GRID2: variants seen among roughly 807,000 people sequenced by gnomAD.
GRID2 encodes glutamate ionotropic receptor delta type subunit 2.
GRID2 carries 33 observed loss-of-function variants against 114.8 expected under a neutral mutation model. The observed-to-expected ratio is 0.29, with a 90% CI of 0.22 to 0.38. The LOEUF is 0.38. Among genes scored for constraint, GRID2 ranks in the 10% least tolerant of loss-of-function variants. The probability of loss-of-function intolerance (pLI) is 1.00; values close to 1 mark genes in which losing one functional copy is unlikely to be tolerated. For missense variants in GRID2, 1,184 were observed against 1,257.7 expected (o/e 0.94, Z 0.89); for synonymous variants, 505 against 449.9 (o/e 1.12, Z -1.55).
chr4:93,560,633 C>T lies in GRID2; in HGVS notation c.2193+45222C>T, dbSNP rs532280804. On this transcript the variant is annotated intron_variant, in intron 13 of 15. Transcript: ENST00000282020. ...TGGGACACAGATCCAAACCCTAGCA[C>T]CTGGCTAATGTTTTTATTTTTATTT... Among the ~76,000 whole-genome samples, 48 of 152,204 alleles carry T rather than the reference C, an allele frequency of 3.2e-4. No individual in the cohort carries two copies. The East Asian group carries it at 8.5e-3, about 27-fold the overall frequency.
chr4:92,904,791 C>T (rs1008806939), intron 2 of GRID2, among the ~76,000 whole-genome samples: 2 of 151,812 alleles, frequency 1.3e-5, no homozygotes, highest in African/African-American at 4.8e-5. Context: ...TTATGAATTA[C>T]AGAGAAAGAA....
chr4:93,081,004 T>C (rs930709407), intron 2 of GRID2, among the ~76,000 whole-genome samples: 2 of 152,104 alleles, frequency 1.3e-5, no homozygotes, highest in African/African-American at 4.8e-5. Flanking sequence ...ATTAATTCAT[T>C]CAGAAAGGTA....
At chr4:93,552,504 A>G (rs1733862887) in intron 13 of GRID2, among the ~76,000 whole-genome samples, 1 of 152,144 alleles carries the variant, frequency 6.6e-6, no homozygotes, top group Non-Finnish European at 1.5e-5. Context: ...CAACAGTGTA[A>G]AAGTGTTCCT....
At chr4:93,032,719 G>A (rs1341571559) in intron 2 of GRID2, among the ~76,000 whole-genome samples, 1 of 152,074 alleles carries the variant, frequency 6.6e-6, no homozygotes, top group Non-Finnish European at 1.5e-5. Context: ...GATGTCTAAA[G>A]AAGAAAACAA....
intron 1 of GRID2, among the ~76,000 whole-genome samples, chr4:92,567,055 T>A (rs1727371886): frequency 6.6e-6 from 1 of 152,054 alleles, no homozygotes; most frequent in African/African-American, 2.4e-5. Context: ...AGTTTAAAAA[T>A]GATCAGATTT....
intron 2 of GRID2, among the ~76,000 whole-genome samples, chr4:92,685,988 A>G (rs1436474034): frequency 6.6e-6 from 1 of 152,046 alleles, no homozygotes; most frequent in Admixed American, 6.6e-5. Context: ...TTCTTGCTGC[A>G]TCATTGGTAT....
chr4:92,495,734 T>C (rs751307804), intron 1 of GRID2, among the ~76,000 whole-genome samples: 3 of 151,940 alleles, frequency 2.0e-5, no homozygotes, highest in African/African-American at 7.2e-5. Flanking sequence ...TATATGACCA[T>C]ATTTAGAGTT....
At chr4:92,870,913 T>C (rs1415904416) in intron 2 of GRID2, among the ~76,000 whole-genome samples, 1 of 152,218 alleles carries the variant, frequency 6.6e-6, no homozygotes, top group Non-Finnish European at 1.5e-5. Context: ...TAACTTGTGA[T>C]AACATCAGCA....
At chr4:93,265,411 T>A (rs908152750) in intron 8 of GRID2, among the ~76,000 whole-genome samples, 4 of 152,162 alleles carry the variant, frequency 2.6e-5, no homozygotes, top group African/African-American at 9.6e-5. Context: ...CCTTATCAAA[T>A]GAGTGGAAAA....
chr4:93,063,372 AC>A (rs948022392), intron 2 of GRID2, among the ~76,000 whole-genome samples: 3 of 151,900 alleles, frequency 2.0e-5, no homozygotes, highest in African/African-American at 7.2e-5. Context: ...TGCAGAAGAT[AC>A]ATACTTTATA....
intron 2 of GRID2, among the ~76,000 whole-genome samples, chr4:92,644,915 CT>C (rs946930589): frequency 5.3e-5 from 8 of 151,124 alleles, no homozygotes; most frequent in Non-Finnish European, 1.0e-4. Context: ...CCCTTTATCT[CT>C]TTTTTTTCTC....
chr4:93,268,563 C>T (rs879557499), intron 8 of GRID2, among the ~76,000 whole-genome samples: 2 of 152,038 alleles, frequency 1.3e-5, no homozygotes, highest in Non-Finnish European at 2.9e-5. Context: ...TCAAATGGGG[C>T]CTCCCACAAT....
chr4:92,655,610 T>G (rs1046715250), intron 2 of GRID2, among the ~76,000 whole-genome samples: 2 of 151,900 alleles, frequency 1.3e-5, no homozygotes, highest in African/African-American at 4.8e-5. Flanking sequence ...TAAATTCATT[T>G]CTAAGTATTC....
At chr4:93,511,433 C>A (rs1321439583) in intron 12 of GRID2, among the ~76,000 whole-genome samples, 1 of 152,078 alleles carries the variant, frequency 6.6e-6, no homozygotes, top group Non-Finnish European at 1.5e-5. Context: ...TCAGTACCCA[C>A]AGGTTGATGC....
intron 14 of GRID2, among the ~76,000 whole-genome samples, chr4:93,645,093 C>A (rs1721989034): frequency 6.6e-6 from 1 of 151,950 alleles, no homozygotes. Flanking sequence ...ATGACCCAGG[C>A]AAAGTCAAAG....
intron 8 of GRID2, among the ~76,000 whole-genome samples, chr4:93,276,141 T>G (rs1355906571): frequency 1.3e-5 from 2 of 151,984 alleles, no homozygotes. Flanking sequence ...TGATATGATA[T>G]AGTGGCCCAA....
At chr4:92,541,451 GA>G (rs1176341318) in intron 1 of GRID2, among the ~76,000 whole-genome samples, 1 of 151,330 alleles carries the variant, frequency 6.6e-6, no homozygotes, top group Non-Finnish European at 1.5e-5. Context: ...CATGGAATGT[GA>G]AAAAACCATA....
At chr4:93,328,628 A>G (rs9917989) in intron 8 of GRID2, among the ~76,000 whole-genome samples, 59,627 of 151,822 alleles carry the variant, frequency 0.39, 11,977 homozygotes, top group East Asian at 0.62. Context: ...TTTCATGAGA[A>G]CAAAGTTTTG....
chr4:93,429,823 A>G (rs867424949), intron 10 of GRID2, among the ~76,000 whole-genome samples: 1 of 152,228 alleles, frequency 6.6e-6, no homozygotes, highest in Non-Finnish European at 1.5e-5. Flanking sequence ...TCAATTTCTA[A>G]ACTTCTAGTA....
Sources: gnomAD v4.1 joint callset for allele counts (sites outside exome capture counted in the v4.1 genomes callset) on GRCh38, gnomAD v4.1.1 for gene constraint, MANE v1.5 for transcripts, NCBI Gene and HGNC (gene_info 2026-07-23, HGNC 2026-07-21) for gene names.